Variants in TXNDC9 observed in about 807,000 individuals in gnomAD.
TXNDC9 encodes thioredoxin domain-containing protein 9.
A neutral mutation model predicts 23.0 loss-of-function variants in TXNDC9; 7 were observed. The ratio of observed to expected loss-of-function variants is 0.30; its 90% CI spans 0.17 to 0.57. TXNDC9 has a LOEUF of 0.57. Among genes scored for constraint, TXNDC9 ranks in the 20% least tolerant of loss-of-function variants. The probability of loss-of-function intolerance (pLI) is 0.90; values close to 1 mark genes in which losing one functional copy is unlikely to be tolerated. For synonymous variants in TXNDC9, 72 were observed against 90.6 expected (o/e 0.79, Z 1.17); for missense variants, 198 against 252.6 (o/e 0.78, Z 1.47).
At chr2:99,317,858 T>C (rs2094192751), downstream of TXNDC9, among the ~76,000 whole-genome samples, 1 of 152,254 alleles carries the variant, frequency 6.6e-6, no homozygotes, top group Admixed American at 6.5e-5. Flanking sequence ...GTAGAGTATC[T>C]TTGAGGCTTG....
At chr2:99,306,316 C>T in the TXNDC9 span, among the ~76,000 whole-genome samples, 15 of 152,138 alleles carry the variant, frequency 9.9e-5, no homozygotes, top group Non-Finnish European at 1.8e-4. Context: ...CAAGTGTGAA[C>T]GTTTTCTTGA....
At chr2:99,327,374 CTGCT>C (rs2094215043) in intron 3 of TXNDC9, among the ~76,000 whole-genome samples, 157 bp downstream of exon 3, 1 of 152,186 alleles carries the variant, frequency 6.6e-6, no homozygotes, top group African/African-American at 2.4e-5. Context: ...GGGCCCCTGC[CTGCT>C]TAACTTAATA....
chr2:99,320,587 G>A (rs1166814682), intron 4 of TXNDC9, among the ~76,000 whole-genome samples: 6 of 152,170 alleles, frequency 3.9e-5, no homozygotes, highest in Admixed American at 2.0e-4. Flanking sequence ...AACTAAATGT[G>A]CTGCATTTTT....
Position 99,336,198 on chromosome 2 carries a change from G to A in TXNDC9, c.-33+41C>T, listed in dbSNP as rs926989230. ...AGCAGCAGAATGTTCACCAGCACCC[G>A]GACGTGGTGGTCGGATTCTTCTCAC... On this transcript the variant is annotated intron_variant, in intron 1 of 4. Transcript: ENST00000264255. 10 of 985,108 alleles carry A rather than the reference G, an allele frequency of 1.0e-5. No homozygotes were observed. The Admixed American group carries it at 2.5e-4, about 24-fold the overall frequency. 61.0% of individuals were successfully genotyped at this position (985,108 alleles called of 1,614,324 possible). A position where few individuals can be genotyped will look rare whatever the true frequency, so the allele number is the denominator to read the frequency against.
rs1006704872 is a variant in TXNDC9, at chr2:99,327,740, A to G, written c.190-87T>C. On this transcript the variant is annotated intron_variant, in intron 2 of 4. Coordinates refer to ENST00000264255, the MANE Select transcript of TXNDC9 (RefSeq NM_005783.4). ...TTTTAAGTGTCCAAATCACCATCGT[A>G]TTTTGTAATGAAGTCAATTAAAAAA... 6 of 698,644 alleles carry G rather than the reference A, an allele frequency of 8.6e-6. No homozygotes were observed. The African/African-American group carries it at 1.1e-4, about 13-fold the overall frequency. The allele number at this position is 698,644 out of a possible 1,614,324, so 43.3% of individuals were successfully genotyped here.
downstream of TXNDC9, among the ~76,000 whole-genome samples, chr2:99,318,716 A>G (rs2105317639): frequency 6.6e-6 from 1 of 152,326 alleles, no homozygotes; most frequent in South Asian, 2.1e-4. Flanking sequence ...ACTAAGGCCC[A>G]GTATTCTCAG....
At chr2:99,326,664 T>G (rs1178533070) in intron 3 of TXNDC9, among the ~76,000 whole-genome samples, 1 of 152,188 alleles carries the variant, frequency 6.6e-6, no homozygotes, top group African/African-American at 2.4e-5. Flanking sequence ...TTATAAGAGA[T>G]CTGCTTCCTT....
At chr2:99,325,458 CA>C (rs1234365162) in intron 3 of TXNDC9, among the ~76,000 whole-genome samples, 1 of 152,100 alleles carries the variant, frequency 6.6e-6, no homozygotes, top group Non-Finnish European at 1.5e-5. Flanking sequence ...GGATAATATA[CA>C]TGAAAGCATC....
Position 99,319,675 on chromosome 2 carries a change from T to C in TXNDC9, c.*7A>G, listed in dbSNP as rs184216302. On this transcript the variant is annotated 3_prime_UTR_variant, in exon 5 of 5. Transcript: ENST00000264255. ...AAAAAAGACAATTTACAAAGAATTA[T>C]TGAGCTCTAATCATCATCAGAGTCT... The C allele has an allele frequency of 4.7e-4, 725 of 1,544,222 alleles. 5 individuals are homozygous for C. In the African/African-American group the frequency reaches 9.0e-3, roughly 19 times the overall value.
chr2:99,335,548 A>C (rs556611077), intron 1 of TXNDC9, among the ~76,000 whole-genome samples: 2 of 127,130 alleles, frequency 1.6e-5, no homozygotes, highest in African/African-American at 5.2e-5. Context: ...GCTGTATTTC[A>C]AACACAGCAA....
the TXNDC9 span, among the ~76,000 whole-genome samples, chr2:99,312,804 G>A: frequency 1.3e-5 from 2 of 152,178 alleles, no homozygotes; most frequent in Non-Finnish European, 2.9e-5. Context: ...TTTCCTTAAT[G>A]ATTGACATTG....
At chr2:99,331,027 AG>A in intron 2 of TXNDC9, among the ~76,000 whole-genome samples, 1 of 152,382 alleles carries the variant, frequency 6.6e-6, no homozygotes, top group South Asian at 2.1e-4. Flanking sequence ...AATTATATTC[AG>A]ACCACTGTTT....
chr2:99,307,653 T>C, the TXNDC9 span, among the ~76,000 whole-genome samples: 4 of 117,856 alleles, frequency 3.4e-5, no homozygotes, highest in African/African-American at 1.3e-4. Context: ...TTGTAGATGA[T>C]AGAATAATTT....
chr2:99,334,008 A>T (rs1321733867), intron 1 of TXNDC9, among the ~76,000 whole-genome samples: 4 of 152,224 alleles, frequency 2.6e-5, no homozygotes, highest in Admixed American at 2.6e-4. Context: ...ACTAATTCAG[A>T]TTAGAAAGGA....
intron 2 of TXNDC9, among the ~76,000 whole-genome samples, chr2:99,330,783 A>T (rs1002737488): frequency 6.6e-6 from 1 of 152,224 alleles, no homozygotes; most frequent in Non-Finnish European, 1.5e-5. Flanking sequence ...TGGATCAGAA[A>T]ATCAAAATTA....
At position 99,319,508 on chromosome 2, in the gene TXNDC9, A is replaced by C. The variant is rs2094196584; in HGVS notation, c.*174T>G. ...TTAAGAACTGAGTTTTCCTCAACTT[A>C]AACATGATGGCCACACAGAAAACAG... On this transcript the variant is annotated 3_prime_UTR_variant, in exon 5 of 5. Transcript: ENST00000264255. 2.0e-6 allele frequency: 1 copy of C among 510,238 alleles called. No homozygotes were observed. Among genetic ancestry groups the C allele is most frequent in the African/African-American group, 2.0e-5 (1 of 49,558 alleles). The allele number at this position is 510,238 out of a possible 1,614,324, so 31.6% of individuals were successfully genotyped here. A position where few individuals can be genotyped will look rare whatever the true frequency, so the allele number is the denominator to read the frequency against.
At chr2:99,328,875 G>C (rs2094218769) in intron 2 of TXNDC9, among the ~76,000 whole-genome samples, 1 of 152,104 alleles carries the variant, frequency 6.6e-6, no homozygotes, top group South Asian at 2.1e-4. Context: ...TGTAATCCCA[G>C]CTACTTGGGA....
downstream of TXNDC9, among the ~76,000 whole-genome samples, chr2:99,318,188 GCT>G (rs1014577620): frequency 6.6e-6 from 1 of 152,116 alleles, no homozygotes; most frequent in African/African-American, 2.4e-5. Context: ...ACCGTGCCAG[GCT>G]CTTTCTGTTG....
At chr2:99,322,705 T>C (rs1424027986) in intron 3 of TXNDC9, 3 of 1,465,116 alleles carry the variant, frequency 2.0e-6, no homozygotes. Context: ...TAATAATATT[T>C]AAATAAATGT....
Sources: allele counts gnomAD v4.1 joint callset (sites outside exome capture counted in the v4.1 genomes callset), GRCh38; gene constraint gnomAD v4.1.1; transcripts MANE v1.5; gene names NCBI Gene and HGNC (gene_info 2026-07-23, HGNC 2026-07-21).